The following ASIC2 variants were observed in gnomAD, a reference collection of about 807,000 sequenced individuals.
The protein encoded by ASIC2 is acid-sensing ion channel 2.
In ASIC2, 25 loss-of-function variants were observed where a neutral mutation model predicts 57.3. The ratio of observed to expected loss-of-function variants is 0.44; its 90% CI spans 0.32 to 0.61. ASIC2 has a LOEUF of 0.61. Ranked by LOEUF, ASIC2 falls within the 20% of genes least tolerant of loss-of-function variation. ASIC2 has a pLI of 0.06. For synonymous variants in ASIC2, 319 were observed against 307.5 expected (o/e 1.04, Z -0.39); for missense variants, 641 against 738.1 (o/e 0.87, Z 1.52).
intron 1 of ASIC2, among the ~76,000 whole-genome samples, chr17:33,287,869 T>A (rs1352937806): frequency 6.6e-6 from 1 of 152,154 alleles, no homozygotes; most frequent in East Asian, 1.9e-4. Flanking sequence ...TTTTCTACTT[T>A]CCCTTCTCTG....
At chr17:34,081,342 A>C (rs1909874796) in intron 1 of ASIC2, among the ~76,000 whole-genome samples, 1 of 152,232 alleles carries the variant, frequency 6.6e-6, no homozygotes. Context: ...GGCACTAGAT[A>C]GATAGATATC....
chr17:33,841,937 G>A (rs1051623025), intron 1 of ASIC2, among the ~76,000 whole-genome samples: 4 of 152,008 alleles, frequency 2.6e-5, no homozygotes, highest in Non-Finnish European at 5.9e-5. Context: ...CCTTATATAC[G>A]GAGAATGTCC....
intron 1 of ASIC2, among the ~76,000 whole-genome samples, chr17:33,493,625 G>A (rs1054404703): frequency 7.9e-5 from 12 of 151,376 alleles, no homozygotes; most frequent in African/African-American, 1.2e-4. Context: ...CTTTCCTCCC[G>A]TGTTACTAGG....
chr17:33,523,315 G>A (rs1597764403), intron 1 of ASIC2, among the ~76,000 whole-genome samples: 2 of 152,140 alleles, frequency 1.3e-5, no homozygotes, highest in Non-Finnish European at 2.9e-5. Context: ...GGAGTGCAGT[G>A]ACACCATCTG....
chr17:33,525,422 G>A (rs1914859606), intron 1 of ASIC2, among the ~76,000 whole-genome samples: 1 of 152,164 alleles, frequency 6.6e-6, no homozygotes, highest in Non-Finnish European at 1.5e-5. Context: ...CTGGCCAGAT[G>A]AGTGAGCTTT....
rs531664327 is a variant in ASIC2, at chr17:33,358,982, C to T, written c.556-246915G>A. The stretch of plus-strand genomic sequence containing the variant: ...ATGTGGAGAACTTTTAGAAAGGTTC[C>T]TTAAATAGCGTGGACTTAAGAAGGT... On this transcript the variant is annotated intron_variant, in intron 1 of 9. Coordinates refer to the ASIC2 transcript ENST00000359872. Among the ~76,000 whole-genome samples the T allele has an allele frequency of 1.3e-3, 196 of 152,272 alleles. 1 individual carries two copies. The highest frequency in any genetic ancestry group is 4.5e-3 in the African/African-American group (188 of 41,564).
intron 1 of ASIC2, among the ~76,000 whole-genome samples, chr17:33,418,709 C>T (rs530512328): frequency 2.0e-5 from 3 of 152,236 alleles, no homozygotes; most frequent in Non-Finnish European, 2.9e-5. Flanking sequence ...GGCCTCTGTT[C>T]TGTTCCATTG....
chr17:33,014,151 G>C (rs551353324), intron 9 of ASIC2, 85 bp from the exon 10 acceptor site: 2 of 1,071,390 alleles, frequency 1.9e-6, no homozygotes, highest in Non-Finnish European at 2.8e-6. Flanking sequence ...CTAGGCCCTG[G>C]GGAAGGTGCT....
intron 1 of ASIC2, among the ~76,000 whole-genome samples, chr17:33,722,385 C>A (rs933070624): frequency 1.3e-5 from 2 of 152,070 alleles, no homozygotes; most frequent in Non-Finnish European, 2.9e-5. Flanking sequence ...TTATTAGCAG[C>A]GTGAGAATAG....
intron 1 of ASIC2, among the ~76,000 whole-genome samples, chr17:33,244,327 C>T (rs1908615144): frequency 6.6e-6 from 1 of 151,874 alleles, no homozygotes; most frequent in African/African-American, 2.4e-5. Flanking sequence ...TGGAGAAAAC[C>T]ATGTAGACAA....
chr17:33,603,239 G>T (rs1905151169), intron 1 of ASIC2, among the ~76,000 whole-genome samples: 1 of 152,212 alleles, frequency 6.6e-6, no homozygotes, highest in African/African-American at 2.4e-5. Context: ...TGGCAGTGGT[G>T]GTGGTGGGAG....
In ASIC2 at chr17:33,800,278, C is replaced by T. The variant is rs73284896; in HGVS notation, c.555+355700G>A. Among the ~76,000 whole-genome samples the T allele has an allele frequency of 9.1e-3, 1,385 of 152,284 alleles. 19 individuals are homozygous for T. The highest frequency in any genetic ancestry group is 0.031 in the African/African-American group (1,306 of 41,552). On this transcript the variant is annotated intron_variant, in intron 1 of 9. Coordinates refer to the ASIC2 transcript ENST00000359872. ...AAGTTCAACTTGGAATGCACACCCC[C>T]TTTTGCACAGGAATTGTGGGCATCA...
intron 1 of ASIC2, among the ~76,000 whole-genome samples, chr17:34,106,983 A>C (rs1186107286): frequency 2.0e-5 from 3 of 152,224 alleles, no homozygotes; most frequent in African/African-American, 7.2e-5. Context: ...ATATATGTAC[A>C]TGCATATTTA....
chr17:33,228,198 T>C lies in ASIC2; in HGVS notation c.708+63210A>G, dbSNP rs528091687. 9.8e-5 allele frequency among the ~76,000 whole-genome samples: 15 copies of C among 152,300 alleles called. 1 individual carries two copies. In the East Asian group the frequency reaches 2.1e-3, roughly 22 times the overall value. On this transcript the variant is annotated intron_variant, in intron 1 of 9. Coordinates refer to ENST00000225823, the MANE Select transcript of ASIC2 (RefSeq NM_183377.2). ...AAACCCAGATAGAACGAGAGCTTAA[T>C]GGGTATGAAGTCTCCTTTTGGGATG...
In ASIC2 at chr17:33,797,700, C is replaced by T. The variant is rs191547358; in HGVS notation, c.555+358278G>A. Among the ~76,000 whole-genome samples, 30 of 152,238 alleles carry T rather than the reference C, an allele frequency of 2.0e-4. No individual in the cohort carries two copies. The South Asian group carries it at 3.5e-3, about 18-fold the overall frequency. On this transcript the variant is annotated intron_variant, in intron 1 of 9. Coordinates refer to the ASIC2 transcript ENST00000359872. ...GCCTGACCAAGGTAATTTGCTGAAGCGTGAGTTTGCGCTTCCCTGGTTCTA... is the reference window on the plus strand; with the variant it reads ...GCCTGACCAAGGTAATTTGCTGAAGTGTGAGTTTGCGCTTCCCTGGTTCTA...
intron 1 of ASIC2, among the ~76,000 whole-genome samples, chr17:33,579,558 C>G (rs931851562): frequency 1.3e-5 from 2 of 152,148 alleles, no homozygotes; most frequent in African/African-American, 4.8e-5. Context: ...AATGAAAGGG[C>G]AGACCCTACT....
At chr17:33,786,562 G>C (rs866667883) in intron 1 of ASIC2, among the ~76,000 whole-genome samples, 3 of 152,166 alleles carry the variant, frequency 2.0e-5, no homozygotes, top group African/African-American at 7.2e-5. Context: ...GTAAAGAATG[G>C]CTTTTTAAAT....
chr17:33,275,482 G>A (rs1053560889), intron 1 of ASIC2, among the ~76,000 whole-genome samples: 3 of 152,306 alleles, frequency 2.0e-5, no homozygotes, highest in East Asian at 1.9e-4. Flanking sequence ...AGTGGCTAAC[G>A]TCTTCTTTGT....
intron 1 of ASIC2, among the ~76,000 whole-genome samples, chr17:34,111,038 A>G (rs1249707148): frequency 2.0e-5 from 3 of 152,072 alleles, no homozygotes; most frequent in Non-Finnish European, 2.9e-5. Context: ...AGCCTGGCCA[A>G]CATAGTGAAA....
Sources: gnomAD v4.1 joint callset for allele counts (sites outside exome capture counted in the v4.1 genomes callset) on GRCh38, gnomAD v4.1.1 for gene constraint, MANE v1.5 for transcripts, NCBI Gene and HGNC (gene_info 2026-07-23, HGNC 2026-07-21) for gene names.